The following FAM107B variants were observed in gnomAD, a reference collection of about 807,000 sequenced individuals.
FAM107B encodes the protein family with sequence similarity 107 member B, also known as protein FAM107B.
Under a neutral mutation model 31.5 loss-of-function variants are expected in FAM107B, and 21 were observed. The observed-to-expected ratio is 0.67, with a 90% CI of 0.47 to 0.96. The LOEUF is 0.96. FAM107B is among the 40% of genes least tolerant of loss of function. The pLI is 0.00. For synonymous variants in FAM107B, 157 were observed against 141.5 expected, an observed-to-expected ratio of 1.11 and a Z score of -0.78; for missense variants, 452 against 377.1, an observed-to-expected ratio of 1.20 and a Z score of -1.64.
chr10:14,734,210 A>G (rs988199596), intron 1 of FAM107B, among the ~76,000 whole-genome samples: 3 of 152,212 alleles, frequency 2.0e-5, no homozygotes, highest in Non-Finnish European at 2.9e-5. Flanking sequence ...TCAAAGATCC[A>G]TTGCATCATG....
intron 1 of FAM107B, among the ~76,000 whole-genome samples, chr10:14,710,464 ACAC>A: frequency 6.6e-6 from 1 of 151,608 alleles, no homozygotes; most frequent in Non-Finnish European, 1.5e-5. Flanking sequence ...ACACACACAC[ACAC>A]ACACACACAC....
rs77697219 is a variant in FAM107B, at chr10:14,553,951, C to T, written c.470-23436G>A. On this transcript the variant is annotated intron_variant, in intron 2 of 4. Transcript: ENST00000181796. ...TCAAACAGGCTGACTCGTTTTAAAG[C>T]GGTTCAGGGGGCTCAGGTAGCTTTC... Among the ~76,000 whole-genome samples the T allele has an allele frequency of 8.7e-3, 1,321 of 152,180 alleles. 29 individuals carry two copies. The highest frequency in any genetic ancestry group is 0.03 in the African/African-American group (1,225 of 41,510).
chr10:14,598,667 T>G lies in FAM107B; in HGVS notation c.470-68152A>C, dbSNP rs12243509. ...CAGTCAACAATAAAACACCGTACGC[T>G]TAAAAATCTGTTAAGAAGGTAGATC... On this transcript the variant is annotated intron_variant, in intron 2 of 4. Transcript: ENST00000181796. 6.0e-3 allele frequency among the ~76,000 whole-genome samples: 918 copies of G among 152,328 alleles called. 11 individuals are homozygous for G. The highest frequency in any genetic ancestry group is 0.021 in the African/African-American group (889 of 41,566).
chr10:14,685,294 A>T (rs1430540818), intron 1 of FAM107B, among the ~76,000 whole-genome samples: 1 of 151,818 alleles, frequency 6.6e-6, no homozygotes, highest in African/African-American at 2.4e-5. Flanking sequence ...GACTACAGGT[A>T]TGTACCACCA....
chr10:14,659,974 C>T (rs575392332), intron 2 of FAM107B, among the ~76,000 whole-genome samples: 43 of 152,276 alleles, frequency 2.8e-4, no homozygotes, highest in African/African-American at 9.9e-4. Context: ...TTACTTCACA[C>T]TTAAGAAATC....
At chr10:14,580,019 C>CA (rs34296189) in intron 2 of FAM107B, among the ~76,000 whole-genome samples, 3,576 of 139,222 alleles carry the variant, frequency 0.026, 69 homozygotes, top group Middle Eastern at 0.046. Flanking sequence ...GACTTCATTT[C>CA]AAAAAAAAAA....
At chr10:14,677,816 T>C (rs577151194) in intron 1 of FAM107B, among the ~76,000 whole-genome samples, 4 of 152,256 alleles carry the variant, frequency 2.6e-5, no homozygotes, top group East Asian at 1.9e-4. Flanking sequence ...GTCACCCTAA[T>C]TGGGGCGTGT....
At chr10:14,628,796 G>A (rs934809356) in intron 2 of FAM107B, among the ~76,000 whole-genome samples, 3 of 152,118 alleles carry the variant, frequency 2.0e-5, no homozygotes, top group Admixed American at 6.6e-5. Context: ...ACTTTGGGAG[G>A]TTGAGGTGGG....
chr10:14,551,708 A>C (rs1214160521), intron 2 of FAM107B, among the ~76,000 whole-genome samples: 1 of 151,210 alleles, frequency 6.6e-6, no homozygotes, highest in Non-Finnish European at 1.5e-5. Context: ...AAATATCTGT[A>C]TTACCATTAC....
chr10:14,644,444 C>G (rs950811730), intron 2 of FAM107B, among the ~76,000 whole-genome samples: 10 of 152,156 alleles, frequency 6.6e-5, no homozygotes, highest in African/African-American at 2.4e-4. Flanking sequence ...TTCTTTCATG[C>G]GTATGCTGCC....
intron 1 of FAM107B, among the ~76,000 whole-genome samples, chr10:14,672,587 C>T (rs1384779806): frequency 6.6e-6 from 1 of 152,120 alleles, no homozygotes; most frequent in East Asian, 1.9e-4. Flanking sequence ...CTGATGGGAC[C>T]TCCATTCTAT....
At chr10:14,539,758 C>T (rs529945493) in intron 2 of FAM107B, among the ~76,000 whole-genome samples, 2 of 152,130 alleles carry the variant, frequency 1.3e-5, no homozygotes, top group Admixed American at 6.5e-5. Context: ...ACTATAACAG[C>T]CCCTTGTCTT....
intron 1 of FAM107B, among the ~76,000 whole-genome samples, chr10:14,756,939 T>C (rs1832942843): frequency 6.6e-6 from 1 of 152,124 alleles, no homozygotes. Context: ...GTGTTCTTAC[T>C]TATAAGTGGG....
intron 2 of FAM107B, among the ~76,000 whole-genome samples, chr10:14,558,312 C>T (rs1215270343): frequency 1.3e-5 from 2 of 152,240 alleles, no homozygotes; most frequent in South Asian, 2.1e-4. Flanking sequence ...CACGCACACA[C>T]ACTCTTTCAA....
At chr10:14,766,833 G>A (rs1833171784) in intron 1 of FAM107B, among the ~76,000 whole-genome samples, 1 of 150,468 alleles carries the variant, frequency 6.6e-6, no homozygotes. Flanking sequence ...AACAACAACA[G>A]AAAGACTTGG....
At chr10:14,611,728 G>A (rs1240981251) in intron 2 of FAM107B, among the ~76,000 whole-genome samples, 1 of 151,598 alleles carries the variant, frequency 6.6e-6, no homozygotes, top group Non-Finnish European at 1.5e-5. Flanking sequence ...CTCTGCTGAA[G>A]GCCTCCCAAA....
At chr10:14,567,420 G>T (rs766962563) in intron 2 of FAM107B, among the ~76,000 whole-genome samples, 1 of 152,134 alleles carries the variant, frequency 6.6e-6, no homozygotes, top group Non-Finnish European at 1.5e-5. Flanking sequence ...TATGAACCTA[G>T]AGATTTAAGA....
intron 2 of FAM107B, among the ~76,000 whole-genome samples, chr10:14,656,433 C>G (rs1320676159): frequency 6.6e-6 from 1 of 152,202 alleles, no homozygotes; most frequent in African/African-American, 2.4e-5. Flanking sequence ...TTGTGACCAC[C>G]AGTTGAAATT....
chr10:14,533,266 A>G (rs1847229084), intron 2 of FAM107B, among the ~76,000 whole-genome samples: 1 of 152,162 alleles, frequency 6.6e-6, no homozygotes, highest in Non-Finnish European at 1.5e-5. Flanking sequence ...GGAGAGCCTG[A>G]TTCAAGATGT....
Sources: allele counts gnomAD v4.1 joint callset (sites outside exome capture counted in the v4.1 genomes callset), GRCh38; gene constraint gnomAD v4.1.1; transcripts MANE v1.5; gene names NCBI Gene and HGNC (gene_info 2026-07-23, HGNC 2026-07-21).